The following GPC6 variants were observed in gnomAD, a reference collection of about 807,000 sequenced individuals.
GPC6 encodes glypican-6.
GPC6 carries 14 observed loss-of-function variants against 55.2 expected under a neutral mutation model. The ratio of observed to expected loss-of-function variants is 0.25; its 90% confidence interval spans 0.17 to 0.40. The LOEUF (loss-of-function observed/expected upper bound fraction) is 0.40. Ranked by LOEUF, GPC6 falls within the 10% of genes least tolerant of loss-of-function variation. The probability of loss-of-function intolerance (pLI) is 1.00; values close to 1 mark genes in which losing one functional copy is unlikely to be tolerated. For missense variants in GPC6, 641 were observed against 708.5 expected (o/e 0.90, Z 1.08); for synonymous variants, 278 against 259.6 (o/e 1.07, Z -0.68).
At chr13:93,737,722 T>G (rs1239349921) in intron 2 of GPC6, among the ~76,000 whole-genome samples, 3 of 152,108 alleles carry the variant, frequency 2.0e-5, no homozygotes. Flanking sequence ...AATATAATTT[T>G]TTATAAAATG....
Position 93,545,381 on chromosome 13 carries a change from T to G in GPC6, c.279T>G (p.Phe93Leu). The G allele has an allele frequency of 6.2e-7, 1 of 1,614,036 alleles. No individual in the cohort carries two copies. Among genetic ancestry groups the G allele is most frequent in the Non-Finnish European group, 8.5e-7 (1 of 1,179,878 alleles). The change falls in exon 2 of 9, where the codon TTT (phenylalanine) becomes TTG (leucine). Residue 93 changes from phenylalanine to leucine, a missense_variant. By Grantham distance (22) the Phe-to-Leu change is conservative. Transcript: ENST00000377047. Reference sequence around the variant, plus strand: ...ACCTTGTGGAAGAGACAAGCCATTTTGTGCGCACCACTTTTGTGTCCAGGC... The same window carrying G: ...ACCTTGTGGAAGAGACAAGCCATTTGGTGCGCACCACTTTTGTGTCCAGGC... ...FENLVEETSH[F>L]VRTTFVSRHK...
At chr13:93,514,658 G>A (rs1018973323) in intron 1 of GPC6, among the ~76,000 whole-genome samples, 5 of 152,100 alleles carry the variant, frequency 3.3e-5, no homozygotes, top group African/African-American at 1.2e-4. Context: ...TTTTAAGTTA[G>A]GTATGGCTAC....
intron 3 of GPC6, among the ~76,000 whole-genome samples, chr13:93,863,375 G>A (rs1220998616): frequency 6.6e-6 from 1 of 151,582 alleles, no homozygotes; most frequent in African/African-American, 2.4e-5. Context: ...TACAATTCAT[G>A]TTCACCAATT....
intron 1 of GPC6, among the ~76,000 whole-genome samples, chr13:93,242,999 A>T (rs1167216853): frequency 2.6e-5 from 4 of 152,194 alleles, no homozygotes; most frequent in African/African-American, 9.6e-5. Context: ...GGCACCTGCT[A>T]CTACAGGTTG....
intron 2 of GPC6, among the ~76,000 whole-genome samples, chr13:93,616,228 T>TA (rs926555317): frequency 2.8e-4 from 42 of 152,138 alleles, no homozygotes; most frequent in Admixed American, 2.7e-3. Context: ...ACATTCAAAA[T>TA]AAAAAATTGA....
At chr13:93,540,734 A>G (rs1000311111) in intron 1 of GPC6, among the ~76,000 whole-genome samples, 4 of 152,142 alleles carry the variant, frequency 2.6e-5, no homozygotes, top group African/African-American at 9.7e-5. Flanking sequence ...GTAATATATT[A>G]TCGTTAACTA....
chr13:93,789,521 A>C lies in GPC6; in HGVS notation c.320-40633A>C, dbSNP rs1368248820. On this transcript the variant is annotated intron_variant, in intron 2 of 8. Coordinates refer to ENST00000377047, the MANE Select transcript of GPC6 (RefSeq NM_005708.5). ...TCTCTCTCTCTCTCTATATATATAT[A>C]TATATATATATATAGTCAGTTAATA... 7.8e-4 allele frequency among the ~76,000 whole-genome samples: 109 copies of C among 139,268 alleles called. 1 individual carries two copies. Among genetic ancestry groups the C allele is most frequent in the Middle Eastern group, 3.6e-3 (1 of 276 alleles). The allele number at this position is 139,268 out of a possible 152,430, so 91.4% of individuals were successfully genotyped here. A position where few individuals can be genotyped will look rare whatever the true frequency, so the allele number is the denominator to read the frequency against.
chr13:94,346,288 T>C (rs537634276), intron 6 of GPC6, among the ~76,000 whole-genome samples: 7 of 152,326 alleles, frequency 4.6e-5, no homozygotes, highest in African/African-American at 1.7e-4. Flanking sequence ...ATTTGCAGAC[T>C]GTTGAGGATG....
In GPC6 at chr13:93,443,149, G is replaced by A. The variant is rs533700872; in HGVS notation, c.161-102114G>A. On this transcript the variant is annotated intron_variant, in intron 1 of 8. Transcript: ENST00000377047. ...AGATAACTTGCCCATTTTCTTCTTT[G>A]CCTATACTATTTATAAGTGCAAACA... Among the ~76,000 whole-genome samples the A allele has an allele frequency of 2.6e-5, 4 of 152,014 alleles. No individual in the cohort carries two copies. In the South Asian group the frequency reaches 8.3e-4, roughly 32 times the overall value.
At chr13:94,080,385 A>G (rs981397912) in intron 4 of GPC6, among the ~76,000 whole-genome samples, 9 of 151,962 alleles carry the variant, frequency 5.9e-5, no homozygotes, top group Middle Eastern at 3.2e-3. Context: ...ATTAGAATAC[A>G]TAACACAGAG....
upstream of GPC6, among the ~76,000 whole-genome samples, chr13:93,223,074 G>A (rs1242974801): frequency 7.8e-6 from 1 of 128,672 alleles, no homozygotes; most frequent in Non-Finnish European, 1.6e-5. Flanking sequence ...GGCTAGAAAT[G>A]GGTCTTACAC....
rs1232162957 is a variant in GPC6, at chr13:93,947,439, A to G, written c.712-80290A>G. The stretch of plus-strand genomic sequence containing the variant: ...CTGATATAGTCCCATAATTATAAAG[A>G]CAAACAAGATGAAAACAGAGTTTAC... On this transcript the variant is annotated intron_variant, in intron 3 of 8. Transcript: ENST00000377047. Among the ~76,000 whole-genome samples the G allele has an allele frequency of 2.0e-5, 3 of 152,216 alleles. No homozygotes were observed. The South Asian group carries it at 6.2e-4, about 32-fold the overall frequency.
intron 3 of GPC6, among the ~76,000 whole-genome samples, chr13:93,918,699 G>A (rs1277232604): frequency 6.6e-6 from 1 of 152,166 alleles, no homozygotes; most frequent in Non-Finnish European, 1.5e-5. Context: ...CAGGGCTTAG[G>A]AAGGGACTCT....
At chr13:94,248,025 G>C (rs1351606205) in intron 4 of GPC6, among the ~76,000 whole-genome samples, 1 of 151,922 alleles carries the variant, frequency 6.6e-6, no homozygotes, top group African/African-American at 2.4e-5. Context: ...TTCTTATGGT[G>C]TCTTTGTCTG....
intron 2 of GPC6, among the ~76,000 whole-genome samples, chr13:93,808,457 A>G (rs1886601677): frequency 6.6e-6 from 1 of 152,198 alleles, no homozygotes; most frequent in Non-Finnish European, 1.5e-5. Context: ...TCTATATGAG[A>G]TGCTTTCAGC....
chr13:93,734,551 T>C (rs1249949095), intron 2 of GPC6, among the ~76,000 whole-genome samples: 1 of 152,196 alleles, frequency 6.6e-6, no homozygotes, highest in African/African-American at 2.4e-5. Flanking sequence ...AGAATTTCAT[T>C]GCTTTTTTAT....
intron 4 of GPC6, among the ~76,000 whole-genome samples, chr13:94,285,954 A>C (rs1212205213): frequency 6.6e-6 from 1 of 152,182 alleles, no homozygotes; most frequent in Non-Finnish European, 1.5e-5. Flanking sequence ...GTGCATCCAA[A>C]TTCACAAATC....
At chr13:93,231,197 A>G (rs188599588) in intron 1 of GPC6, among the ~76,000 whole-genome samples, 197 of 151,372 alleles carry the variant, frequency 1.3e-3, no homozygotes, top group Non-Finnish European at 2.3e-3. Flanking sequence ...CTGCAGTTCA[A>G]ACCCAGGCAC....
intron 3 of GPC6, among the ~76,000 whole-genome samples, chr13:93,849,593 T>G (rs1299947042): frequency 2.6e-5 from 4 of 152,166 alleles, no homozygotes; most frequent in Non-Finnish European, 5.9e-5. Flanking sequence ...ATATCTATAC[T>G]GTCCACCTAT....
Sources: gnomAD v4.1 joint callset for allele counts (sites outside exome capture counted in the v4.1 genomes callset) on GRCh38, gnomAD v4.1.1 for gene constraint, MANE v1.5 for transcripts, NCBI Gene and HGNC (gene_info 2026-07-23, HGNC 2026-07-21) for gene names.